Variants in MTG1 observed in about 807,000 individuals in gnomAD.
The protein encoded by MTG1 is mitochondrial ribosome-associated GTPase 1.
MTG1 carries 30 observed loss-of-function variants against 39.5 expected under a neutral mutation model. The ratio of observed to expected loss-of-function variants is 0.76; its 90% confidence interval spans 0.57 to 1.03. The LOEUF (loss-of-function observed/expected upper bound fraction) is 1.03, where lower values mean the gene tolerates loss of function less well. MTG1 is among the 50% of genes least tolerant of loss of function. The pLI is 0.00. For synonymous variants in MTG1, 217 were observed against 179.0 expected (o/e 1.21, Z -1.69); for missense variants, 513 against 447.4 (o/e 1.15, Z -1.32).
At chr10:133,398,297 G>C (rs567904495) in intron 3 of MTG1, 138 bp from the exon 4 acceptor site, 116 of 746,948 alleles carry the variant, frequency 1.6e-4, no homozygotes, top group Non-Finnish European at 2.4e-4. Context: ...CTACTTGGGA[G>C]GCTGAGGCAT....
chr10:133,422,122 G>A lies in MTG1; in HGVS notation c.*1957G>A, dbSNP rs1589922750. ...CCACTCCATGTCTCTCCTGTCCTTG[G>A]ATGTTGGGGGGCTCAGCCTCTTGCA... On this transcript the variant is annotated 3_prime_UTR_variant, in exon 11 of 11. Transcript: ENST00000317502. The A allele has an allele frequency of 6.5e-6, 1 of 152,922 alleles. No homozygotes were observed. The highest frequency in any genetic ancestry group is 1.9e-4 in the East Asian group (1 of 5,202). 9.5% of individuals were successfully genotyped at this position (152,922 alleles called of 1,614,324 possible).
intron 9 of MTG1, among the ~76,000 whole-genome samples, chr10:133,417,205 G>C (rs1346040602): frequency 6.6e-6 from 1 of 151,930 alleles, no homozygotes; most frequent in African/African-American, 2.4e-5. Context: ...TCATCCCTGG[G>C]ATGCAAGGCT....
In MTG1 at chr10:133,396,169, C is replaced by T. The variant is rs748560492; in HGVS notation, c.184C>T (p.Leu62Phe). The T allele has an allele frequency of 1.4e-4, 231 of 1,613,802 alleles. No individual in the cohort carries two copies. The highest frequency in any genetic ancestry group is 1.9e-4 in the Non-Finnish European group (224 of 1,179,826). ...TTTACCTTAATTTTGCCACATCCCA[C>T]TTTCAGGCCGCAACCCTCTGTTTCA... ...IIEVHDARIP[L>F]SGRNPLFQET... is the part of the protein sequence containing the mutation. The change falls in exon 3 of 11, where the codon CTT (leucine) becomes TTT (phenylalanine). Residue 62 changes from leucine (L) to phenylalanine (F), a missense_variant. Leu to Phe is a conservative substitution (Grantham distance 22, BLOSUM62 0). Coordinates refer to ENST00000317502, the MANE Select transcript of MTG1 (RefSeq NM_138384.4).
At chr10:133,401,440 A>G in intron 6 of MTG1, 89 bp from the exon 7 acceptor site, 1 of 1,110,320 alleles carries the variant, frequency 9.0e-7, no homozygotes. Context: ...TTGGCTGGTC[A>G]GATGTGTTTG....
At chr10:133,415,196 C>CCGTGGAGAGGGAGAGGGAGT (rs1850105931) in intron 9 of MTG1, among the ~76,000 whole-genome samples, 1 of 150,734 alleles carries the variant, frequency 6.6e-6, no homozygotes, top group Non-Finnish European at 1.5e-5. Flanking sequence ...GGAGAGGGAG[C>CCGTGGAGAGGGAGAGGGAGT]GGAGCGGGAG....
At position 133,394,773 on chromosome 10, in the gene MTG1, T is replaced by A. The variant is rs765100130; in HGVS notation, c.112+441T>A. On this transcript the variant is annotated intron_variant, in intron 1 of 10. Coordinates refer to ENST00000317502, the MANE Select transcript of MTG1 (RefSeq NM_138384.4). ...AGTTTTAACTGGTATCTTGAGTCGT[T>A]CTCCTGCTTAACGTCTTTGGTAATT... 1.4e-3 allele frequency: 1,412 copies of A among 980,012 alleles called. 2 individuals are homozygous for A. The highest frequency in any genetic ancestry group is 1.6e-3 in the Non-Finnish European group (1,343 of 823,324). The allele number at this position is 980,012 out of a possible 1,614,324, so 60.7% of individuals were successfully genotyped here.
At position 133,402,010 on chromosome 10, in the gene MTG1, G is replaced by C; in HGVS notation, c.574-139G>C. ...TCTGGGGAACCCTGGAGCTTGGTGAGAGTGACGCTGCCATGGGGTTGGGTC... is the reference window on the plus strand; with the variant it reads ...TCTGGGGAACCCTGGAGCTTGGTGACAGTGACGCTGCCATGGGGTTGGGTC... On this transcript the variant is annotated intron_variant, in intron 7 of 10. Coordinates refer to ENST00000317502, the MANE Select transcript of MTG1 (RefSeq NM_138384.4). This position sits in a 1 kb window ranked among gnomAD's most constrained non-coding sequence, Gnocchi z 4.7. The C allele has an allele frequency of 1.1e-6, 1 of 878,906 alleles. No homozygotes were observed. Among genetic ancestry groups the C allele is most frequent in the Non-Finnish European group, 1.8e-6 (1 of 552,512 alleles). 54.4% of individuals were successfully genotyped at this position (878,906 alleles called of 1,614,324 possible). A position where few individuals can be genotyped will look rare whatever the true frequency, so the allele number is the denominator to read the frequency against.
intron 7 of MTG1, 114 bp downstream of exon 7, chr10:133,401,704 C>T: frequency 2.0e-6 from 2 of 1,005,866 alleles, no homozygotes; most frequent in Non-Finnish European, 1.5e-6. Flanking sequence ...CCCCTCCACT[C>T]AGTGTCCCCG....
intron 5 of MTG1, 49 bp from the exon 6 acceptor site, chr10:133,399,480 G>A (rs766701242): frequency 5.1e-6 from 8 of 1,579,948 alleles, no homozygotes; most frequent in Non-Finnish European, 7.0e-6. Flanking sequence ...AGAGTCTCAG[G>A]CTCTAGCGGC....
In MTG1 at chr10:133,399,266, C is replaced by G. The variant is rs774557216; in HGVS notation, c.420+40C>G. On this transcript the variant is annotated intron_variant, in intron 5 of 10. Transcript: ENST00000317502. Reference sequence around the variant, plus strand: ...CCCAGAGCTGGGAGTGGGAGGCGGGCGTGGGATGGGCCAGCCCCTCCTGCC... The same window carrying G: ...CCCAGAGCTGGGAGTGGGAGGCGGGGGTGGGATGGGCCAGCCCCTCCTGCC... 7 of 1,607,416 alleles carry G rather than the reference C, an allele frequency of 4.4e-6. No individual in the cohort carries two copies. The African/African-American group carries it at 8.0e-5, about 18-fold the overall frequency.
intron 9 of MTG1, among the ~76,000 whole-genome samples, chr10:133,413,041 G>A (rs1165327932): frequency 1.3e-5 from 2 of 152,132 alleles, no homozygotes; most frequent in Non-Finnish European, 2.9e-5. Context: ...TTATCATTAG[G>A]AAATGATCTT....
chr10:133,399,487 C>T (rs531647390), intron 5 of MTG1, 42 bp from the exon 6 acceptor site: 76 of 1,585,926 alleles, frequency 4.8e-5, no homozygotes, highest in Middle Eastern at 1.7e-4. Flanking sequence ...CAGGCTCTAG[C>T]GGCCACGGTG....
At chr10:133,407,525 G>A (rs1050438654) in intron 9 of MTG1, among the ~76,000 whole-genome samples, 2 of 149,290 alleles carry the variant, frequency 1.3e-5, no homozygotes, top group African/African-American at 2.5e-5. Flanking sequence ...GTATTCCTAG[G>A]TATTTTATAT....
intron 5 of MTG1, 148 bp from the exon 6 acceptor site, chr10:133,399,381 T>A: frequency 8.4e-7 from 1 of 1,188,606 alleles, no homozygotes; most frequent in African/African-American, 1.5e-5. Flanking sequence ...GCCGAGGCCG[T>A]CCCCGCTGGG....
chr10:133,399,635 G>C lies in MTG1; in HGVS notation c.511+16G>C. The C allele has an allele frequency of 6.2e-7, 1 of 1,612,206 alleles. No homozygotes were observed. Among genetic ancestry groups the C allele is most frequent in the East Asian group, 2.2e-5 (1 of 44,862 alleles). On this transcript the variant is annotated intron_variant, in intron 6 of 10. Transcript: ENST00000317502. ...CTCAGGAAAGGTACTGGCGCGTGCG[G>C]CTGATCACCTCAGGAAAGGTACTGG... is the stretch of plus-strand genomic sequence containing the variant.
At chr10:133,419,390 T>C (rs1850190206) in intron 9 of MTG1, 90 bp from the exon 10 acceptor site, 2 of 1,102,982 alleles carry the variant, frequency 1.8e-6, no homozygotes, top group Non-Finnish European at 2.6e-6. Flanking sequence ...GGCCGTGGCC[T>C]TTGTGGCATT....
At position 133,420,362 on chromosome 10, in the gene MTG1, G is replaced by T; in HGVS notation, c.*197G>T. 1.8e-6 allele frequency: 1 copy of T among 561,318 alleles called. No individual in the cohort carries two copies. The highest frequency in any genetic ancestry group is 3.0e-6 in the Non-Finnish European group (1 of 337,636). The allele number at this position is 561,318 out of a possible 1,614,324, so 34.8% of individuals were successfully genotyped here. Reference sequence around the variant, plus strand: ...CCAAGCAGGTGGGAGTGGACACCAGGCTTCCCAGTGGACGTCCCTGAGCAG... The same window carrying T: ...CCAAGCAGGTGGGAGTGGACACCAGTCTTCCCAGTGGACGTCCCTGAGCAG... On this transcript the variant is annotated 3_prime_UTR_variant, in exon 11 of 11. Transcript: ENST00000317502.
In MTG1 at chr10:133,394,230, AC is replaced by A; in HGVS notation, c.14del (p.Pro5ArgfsTer35). 1.3e-6 allele frequency: 2 copies of A among 1,516,508 alleles called. No individual in the cohort carries two copies. The highest frequency in any genetic ancestry group is 1.8e-6 in the Non-Finnish European group (2 of 1,137,086). 93.9% of individuals were successfully genotyped at this position (1,516,508 alleles called of 1,614,324 possible). On this transcript the variant is annotated frameshift_variant, in exon 1 of 11. Coordinates refer to ENST00000317502, the MANE Select transcript of MTG1 (RefSeq NM_138384.4). LOFTEE classifies it high-confidence loss of function. ...CGGGGACGGTGCCGCCATGAGATTG[AC>A]CCCGCGCGCGCTGTGCAGCGCCGCC... MRL[T>X]PRALCSAAQA...
In MTG1 at chr10:133,415,762, C is replaced by T. The variant is rs576352411; in HGVS notation, c.753-3718C>T. On this transcript the variant is annotated intron_variant, in intron 9 of 10. Coordinates refer to ENST00000317502, the MANE Select transcript of MTG1 (RefSeq NM_138384.4). ...GTCTTTGTAGTTTTCATGAAATTTG[C>T]ATCATTTTGAAACTTCATATCTGCA... Among the ~76,000 whole-genome samples, 5 of 152,310 alleles carry T rather than the reference C, an allele frequency of 3.3e-5. No individual in the cohort carries two copies. In the South Asian group the frequency reaches 1.0e-3, roughly 32 times the overall value.
Sources: allele counts gnomAD v4.1 joint callset (sites outside exome capture counted in the v4.1 genomes callset), GRCh38; gene constraint gnomAD v4.1.1; non-coding constraint Gnocchi (gnomAD v3.1); transcripts MANE v1.5; gene names NCBI Gene and HGNC (gene_info 2026-07-23, HGNC 2026-07-21).